The following NSMCE2 variants were observed in gnomAD, a reference collection of about 807,000 sequenced individuals.
The protein encoded by NSMCE2 is NSE2 SUMO ligase component of SMC5/6 complex, also known as E3 SUMO-protein ligase NSE2.
A neutral mutation model predicts 23.8 loss-of-function variants in NSMCE2; 24 were observed. The observed-to-expected ratio is 1.01, with a 90% CI of 0.73 to 1.42. The LOEUF (loss-of-function observed/expected upper bound fraction) is 1.42. Among genes scored for constraint, NSMCE2 ranks in the 40% most tolerant of loss-of-function variants. The pLI, the probability that NSMCE2 is intolerant of heterozygous loss-of-function variation, is 0.00. For missense variants in NSMCE2, 284 were observed against 296.5 expected (o/e 0.96, Z 0.31); for synonymous variants, 92 against 94.1 (o/e 0.98, Z 0.13).
At position 125,291,434 on chromosome 8, in the gene NSMCE2, GC is replaced by G. The variant is rs375267223; in HGVS notation, c.419-65784del. ...TAAATTGGTAAACTCTTAGCCTGGA[GC>G]TCGATGTAATTATATAACAGTTCTA... is the stretch of plus-strand genomic sequence containing the variant. On this transcript the variant is annotated intron_variant, in intron 5 of 7. Transcript: ENST00000287437. Among the ~76,000 whole-genome samples the G allele has an allele frequency of 3.4e-3, 512 of 152,248 alleles. 5 individuals carry two copies. The highest frequency in any genetic ancestry group is 0.012 in the African/African-American group (487 of 41,548).
intron 5 of NSMCE2, among the ~76,000 whole-genome samples, chr8:125,333,505 CTTTTTTTTTTTTT>C (rs71295847): frequency 2.2e-5 from 1 of 45,638 alleles, no homozygotes; most frequent in East Asian, 7.6e-4. Flanking sequence ...CCTGGTGGTT[CTTTTTTTTTTTTT>C]TTTTTTTTTT....
chr8:125,214,887 G>T (rs1307164662), intron 5 of NSMCE2, among the ~76,000 whole-genome samples: 1 of 152,008 alleles, frequency 6.6e-6, no homozygotes, highest in African/African-American at 2.4e-5. Context: ...GTGAGATTAG[G>T]TACGTTCACA....
chr8:125,337,884 C>CAAAAAAAAA (rs35658538), intron 5 of NSMCE2, among the ~76,000 whole-genome samples: 5 of 97,376 alleles, frequency 5.1e-5, no homozygotes, highest in South Asian at 3.7e-4. Flanking sequence ...AACTCTATCT[C>CAAAAAAAAA]AAAAAAAAAA....
At chr8:125,104,369 C>T (rs2130375711) in intron 3 of NSMCE2, among the ~76,000 whole-genome samples, 1 of 152,262 alleles carries the variant, frequency 6.6e-6, no homozygotes, top group East Asian at 1.9e-4. Flanking sequence ...CCTTTCTAGG[C>T]TTATCGTTAA....
At chr8:125,284,014 C>T (rs1231775393) in intron 5 of NSMCE2, among the ~76,000 whole-genome samples, 1 of 151,878 alleles carries the variant, frequency 6.6e-6, no homozygotes, top group Non-Finnish European at 1.5e-5. Context: ...ATTAGCTGGG[C>T]GTGGTGGCGG....
intron 4 of NSMCE2, among the ~76,000 whole-genome samples, chr8:125,167,250 T>C (rs1821934579): frequency 6.6e-6 from 1 of 152,218 alleles, no homozygotes; most frequent in Admixed American, 6.5e-5. Flanking sequence ...TAGAAGAAAG[T>C]TGAGATTCTC....
chr8:125,313,344 C>A (rs1022434365), intron 5 of NSMCE2, among the ~76,000 whole-genome samples: 2 of 152,090 alleles, frequency 1.3e-5, no homozygotes, highest in Non-Finnish European at 1.5e-5. Flanking sequence ...TAGGAAGAGG[C>A]AGCCCTGATA....
At chr8:125,285,517 T>C (rs1827856355) in intron 5 of NSMCE2, among the ~76,000 whole-genome samples, 1 of 152,092 alleles carries the variant, frequency 6.6e-6, no homozygotes, top group Non-Finnish European at 1.5e-5. Flanking sequence ...AGGGTAGCCA[T>C]AGTTTCTGCT....
chr8:125,209,983 A>G (rs939374860), intron 5 of NSMCE2, among the ~76,000 whole-genome samples: 6 of 152,172 alleles, frequency 3.9e-5, no homozygotes, highest in African/African-American at 9.6e-5. Context: ...AGGTGATACT[A>G]TTGTTCTGAG....
intron 5 of NSMCE2, among the ~76,000 whole-genome samples, chr8:125,277,993 G>A (rs1471411005): frequency 6.6e-6 from 1 of 152,106 alleles, no homozygotes; most frequent in African/African-American, 2.4e-5. Context: ...TAATATGTTA[G>A]ATATGGTATC....
At chr8:125,269,951 A>G (rs561757953) in intron 5 of NSMCE2, among the ~76,000 whole-genome samples, 2 of 152,232 alleles carry the variant, frequency 1.3e-5, no homozygotes, top group Non-Finnish European at 2.9e-5. Flanking sequence ...TACTTTATGC[A>G]AGGCTGAACT....
intron 5 of NSMCE2, among the ~76,000 whole-genome samples, chr8:125,184,592 A>G (rs1823001389): frequency 6.6e-6 from 1 of 152,130 alleles, no homozygotes; most frequent in Non-Finnish European, 1.5e-5. Flanking sequence ...ATGACAGAAC[A>G]AGCAAAATAT....
At chr8:125,132,818 G>A (rs571723324) in intron 3 of NSMCE2, among the ~76,000 whole-genome samples, 5 of 152,196 alleles carry the variant, frequency 3.3e-5, no homozygotes, top group African/African-American at 1.2e-4. Flanking sequence ...TGTTAAAAAT[G>A]GATACAATAC....
intron 5 of NSMCE2, among the ~76,000 whole-genome samples, chr8:125,311,489 G>C (rs1828971051): frequency 6.6e-6 from 1 of 152,214 alleles, no homozygotes; most frequent in South Asian, 2.1e-4. Context: ...AGAAGTTCTT[G>C]ATAAAATTGT....
intron 5 of NSMCE2, among the ~76,000 whole-genome samples, chr8:125,205,933 C>T (rs1015366980): frequency 1.3e-5 from 2 of 151,990 alleles, no homozygotes; most frequent in African/African-American, 2.4e-5. Flanking sequence ...AATATATTGT[C>T]CTGGTAAGTG....
intron 5 of NSMCE2, among the ~76,000 whole-genome samples, chr8:125,232,277 C>A (rs1009733687): frequency 1.3e-5 from 2 of 151,930 alleles, no homozygotes; most frequent in Non-Finnish European, 2.9e-5. Flanking sequence ...GCAGGAGAAT[C>A]GCTTGAACCC....
chr8:125,168,403 A>G (rs183750810), intron 4 of NSMCE2, among the ~76,000 whole-genome samples: 43 of 152,328 alleles, frequency 2.8e-4, no homozygotes, highest in African/African-American at 9.9e-4. Context: ...TCAAAGACAA[A>G]TGGACATTTG....
At chr8:125,349,356 T>C (rs1812932559) in intron 5 of NSMCE2, among the ~76,000 whole-genome samples, 1 of 152,156 alleles carries the variant, frequency 6.6e-6, no homozygotes, top group South Asian at 2.1e-4. Flanking sequence ...AGTAAAATAA[T>C]ATGGGCAGCC....
Position 125,277,806 on chromosome 8 carries a change from G to A in NSMCE2, c.419-79413G>A, listed in dbSNP as rs1035718298. Among the ~76,000 whole-genome samples, 6 of 151,922 alleles carry A rather than the reference G, an allele frequency of 3.9e-5. No individual in the cohort carries two copies. The East Asian group carries it at 9.6e-4, about 24-fold the overall frequency. The stretch of plus-strand genomic sequence containing the variant: ...TGGGATTACAGGCGTGAGCCACTGC[G>A]CCCAGCCTGTCATCTTCTTTAAATG... On this transcript the variant is annotated intron_variant, in intron 5 of 7. Coordinates refer to ENST00000287437, the MANE Select transcript of NSMCE2 (RefSeq NM_173685.4).
Sources: allele counts gnomAD v4.1 joint callset (sites outside exome capture counted in the v4.1 genomes callset), GRCh38; gene constraint gnomAD v4.1.1; transcripts MANE v1.5; gene names NCBI Gene and HGNC (gene_info 2026-07-23, HGNC 2026-07-21).